The following TTL variants were observed in gnomAD, a reference collection of about 807,000 sequenced individuals.
TTL encodes tubulin--tyrosine ligase.
TTL carries 10 observed loss-of-function variants against 41.1 expected under a neutral mutation model. That is an observed-to-expected ratio of 0.24 (90% CI 0.15 to 0.41). The LOEUF (loss-of-function observed/expected upper bound fraction) is 0.41, where lower values mean the gene tolerates loss of function less well. Ranked by LOEUF, TTL falls within the 10% of genes least tolerant of loss-of-function variation. The probability of loss-of-function intolerance (pLI) is 1.00; values close to 1 mark genes in which losing one functional copy is unlikely to be tolerated. For synonymous variants in TTL, 175 were observed against 175.5 expected (o/e 1.00, Z 0.02); for missense variants, 367 against 460.4 (o/e 0.80, Z 1.86).
intron 6 of TTL, among the ~76,000 whole-genome samples, chr2:112,525,043 A>AG (rs900597511): frequency 1.3e-5 from 2 of 152,224 alleles, no homozygotes; most frequent in African/African-American, 4.8e-5. Flanking sequence ...TTTATTAAAT[A>AG]GGGAATCCTT....
chr2:112,490,559 T>A lies in TTL; in HGVS notation c.237-3584T>A, dbSNP rs558321089. Among the ~76,000 whole-genome samples, 274 of 149,734 alleles carry A rather than the reference T, an allele frequency of 1.8e-3. 1 individual carries two copies. Among genetic ancestry groups the A allele is most frequent in the African/African-American group, 6.3e-3 (259 of 41,014 alleles). ...AAGGAAACATTAGTCTACTAAAATC[T>A]TAGTAAATCTTTTTTTTTTTTTTTT... On this transcript the variant is annotated intron_variant, in intron 2 of 6. Transcript: ENST00000233336.
intron 3 of TTL, 144 bp downstream of exon 3, chr2:112,494,519 G>A (rs1005558257): frequency 3.0e-6 from 2 of 657,350 alleles, no homozygotes; most frequent in African/African-American, 3.6e-5. Flanking sequence ...TCTATGTACT[G>A]ATGCCTTCTA....
chr2:112,529,824 A>G lies in TTL; in HGVS notation c.*1029A>G, dbSNP rs562635432. 3 of 220,632 alleles carry G rather than the reference A, an allele frequency of 1.4e-5. No homozygotes were observed. The highest frequency in any genetic ancestry group is 1.8e-4 in the South Asian group (1 of 5,420). 13.7% of individuals were successfully genotyped at this position (220,632 alleles called of 1,614,324 possible). The stretch of plus-strand genomic sequence containing the variant: ...GATTCGAGTTCCTGTGCCTGTGGGT[A>G]TTAGGAGAGTATATATCCTGCCTGA... On this transcript the variant is annotated 3_prime_UTR_variant, in exon 7 of 7. Coordinates refer to ENST00000233336, the MANE Select transcript of TTL (RefSeq NM_153712.5).
intron 5 of TTL, among the ~76,000 whole-genome samples, chr2:112,515,500 C>G (rs1682043308): frequency 1.3e-5 from 2 of 152,068 alleles, no homozygotes; most frequent in South Asian, 4.1e-4. Context: ...TTTACTAAGT[C>G]TAGTAAAGAT....
At chr2:112,485,695 C>T (rs1444529530) in intron 1 of TTL, among the ~76,000 whole-genome samples, 1 of 152,158 alleles carries the variant, frequency 6.6e-6, no homozygotes, top group Non-Finnish European at 1.5e-5. Flanking sequence ...TTTGGCAAAC[C>T]TACGATGTTG....
rs3980067 is a variant in TTL, at chr2:112,535,982, T to G, written c.*7187T>G. ...ACCATACTTGGCTAATTTAAAACAA[T>G]TTTTTTAGAGATAGGACCTGGCTTA... On this transcript the variant is annotated 3_prime_UTR_variant, in exon 7 of 7. Transcript: ENST00000233336. The G allele has an allele frequency of 0.25, 37,571 of 151,892 alleles. 5,286 individuals are homozygous for G. The highest frequency in any genetic ancestry group is 0.61 in the East Asian group (3,150 of 5,142). The allele number at this position is 151,892 out of a possible 1,614,324, so 9.4% of individuals were successfully genotyped here.
chr2:112,483,261 T>A (rs1218300253), intron 1 of TTL: 1 of 152,256 alleles, frequency 6.6e-6, no homozygotes, highest in Non-Finnish European at 1.5e-5. Flanking sequence ...CATACCCACA[T>A]GTCCACGGGT....
At chr2:112,498,523 G>T (rs945294143) in intron 3 of TTL, among the ~76,000 whole-genome samples, 1 of 152,178 alleles carries the variant, frequency 6.6e-6, no homozygotes, top group African/African-American at 2.4e-5. Context: ...AAAGATGTCA[G>T]TTCACCCTAA....
rs202142421 is a variant in TTL, at chr2:112,522,042, T to G, written c.1019+1617T>G. 5.2e-5 allele frequency: 8 copies of G among 152,530 alleles called. No individual in the cohort carries two copies. In the East Asian group the frequency reaches 1.5e-3, roughly 29 times the overall value. The allele number at this position is 152,530 out of a possible 1,614,324, so 9.4% of individuals were successfully genotyped here. On this transcript the variant is annotated intron_variant, in intron 6 of 6. Coordinates refer to ENST00000233336, the MANE Select transcript of TTL (RefSeq NM_153712.5). ...CATGGTGCTCTAGACCTTTCCCTCC[T>G]CCCGCTCCTGTCTTCTCATCTGGCA...
intron 6 of TTL, 90 bp from the exon 7 acceptor site, chr2:112,528,591 A>C: frequency 9.3e-7 from 1 of 1,080,300 alleles, no homozygotes; most frequent in Non-Finnish European, 1.4e-6. Context: ...GAGACAGAGC[A>C]AAACCCTGTC....
chr2:112,483,303 G>C (rs1483199978), intron 1 of TTL: 1 of 152,208 alleles, frequency 6.6e-6, no homozygotes, highest in South Asian at 2.1e-4. Context: ...GGGGACTAGC[G>C]GCTCCTTTGT....
In TTL at chr2:112,535,592, AGAAG is replaced by A. The variant is rs1429380844; in HGVS notation, c.*6802_*6805del. On this transcript the variant is annotated 3_prime_UTR_variant, in exon 7 of 7. Transcript: ENST00000233336. The stretch of plus-strand genomic sequence containing the variant: ...TACACTAGAAAATATATAAGAAAAG[AGAAG>A]GAAGTAATGAAAAATAGAGGAGAAA... The A allele has an allele frequency of 6.6e-6, 1 of 152,198 alleles. No homozygotes were observed. The highest frequency in any genetic ancestry group is 2.4e-5 in the African/African-American group (1 of 41,454). 9.4% of individuals were successfully genotyped at this position (152,198 alleles called of 1,614,324 possible).
intron 2 of TTL, among the ~76,000 whole-genome samples, chr2:112,488,029 A>G (rs1006153150): frequency 2.6e-5 from 4 of 152,200 alleles, no homozygotes; most frequent in African/African-American, 9.7e-5. Flanking sequence ...ACCCCTGGCC[A>G]TTGTGACTGT....
intron 5 of TTL, among the ~76,000 whole-genome samples, chr2:112,518,198 C>CA (rs1682124562): frequency 6.7e-6 from 1 of 149,058 alleles, no homozygotes; most frequent in Non-Finnish European, 1.5e-5. Context: ...TGGCTGGTCT[C>CA]AAACTCCTGA....
In TTL at chr2:112,539,280, T is replaced by A. The variant is rs1158948106; in HGVS notation, c.*10485T>A. The stretch of plus-strand genomic sequence containing the variant: ...AGACCTCAGCATCACCCAATATACC[T>A]TTGTAACAAATTCGCACATGTACCC... On this transcript the variant is annotated 3_prime_UTR_variant, in exon 7 of 7. Coordinates refer to ENST00000233336, the MANE Select transcript of TTL (RefSeq NM_153712.5). 6.6e-6 allele frequency: 1 copy of A among 152,070 alleles called. No individual in the cohort carries two copies. Among genetic ancestry groups the A allele is most frequent in the African/African-American group, 2.4e-5 (1 of 41,408 alleles). The allele number at this position is 152,070 out of a possible 1,614,324, so 9.4% of individuals were successfully genotyped here.
At chr2:112,495,865 T>C (rs914571038) in intron 3 of TTL, among the ~76,000 whole-genome samples, 1 of 152,054 alleles carries the variant, frequency 6.6e-6, no homozygotes. Flanking sequence ...AACCATTCCA[T>C]TTTGAACTCA....
chr2:112,525,620 T>A (rs1682352219), intron 6 of TTL, among the ~76,000 whole-genome samples: 1 of 152,204 alleles, frequency 6.6e-6, no homozygotes, highest in Non-Finnish European at 1.5e-5. Flanking sequence ...TGCTTGTGAT[T>A]TTTGCACATC....
chr2:112,488,517 G>A (rs1452770456), intron 2 of TTL, among the ~76,000 whole-genome samples: 2 of 152,114 alleles, frequency 1.3e-5, no homozygotes, highest in African/African-American at 4.8e-5. Flanking sequence ...CAGCACTTTG[G>A]GAGTCTGAGG....
chr2:112,540,409 ACT>A lies in TTL; in HGVS notation c.*11617_*11618del, dbSNP rs945377476. On this transcript the variant is annotated 3_prime_UTR_variant, in exon 7 of 7. Transcript: ENST00000233336. ...CTCCATCCTCAGCAACAAGAGCAAAACTCTGTCTCAAAAAAACAAAAAACAAA... is the reference window on the plus strand; with the variant it reads ...CTCCATCCTCAGCAACAAGAGCAAAACTGTCTCAAAAAAACAAAAAACAAA... 5 of 147,480 alleles carry A rather than the reference ACT, an allele frequency of 3.4e-5. No homozygotes were observed. The highest frequency in any genetic ancestry group is 1.2e-4 in the African/African-American group (5 of 40,132). 9.1% of individuals were successfully genotyped at this position (147,480 alleles called of 1,614,324 possible).
Sources: allele counts gnomAD v4.1 joint callset (sites outside exome capture counted in the v4.1 genomes callset), GRCh38; gene constraint gnomAD v4.1.1; transcripts MANE v1.5; gene names NCBI Gene and HGNC (gene_info 2026-07-23, HGNC 2026-07-21).